HSPA12A: variants seen among roughly 807,000 people sequenced by gnomAD.
HSPA12A encodes the protein heat shock 70 kDa protein 12A.
A neutral mutation model predicts 69.2 loss-of-function variants in HSPA12A; 28 were observed. The ratio of observed to expected loss-of-function variants is 0.40; its 90% CI spans 0.30 to 0.55. The LOEUF is 0.55. Among genes scored for constraint, HSPA12A ranks in the 20% least tolerant of loss-of-function variants. HSPA12A has a pLI of 0.38. For synonymous variants in HSPA12A, 345 were observed against 370.5 expected (o/e 0.93, Z 0.79); for missense variants, 686 against 900.7 (o/e 0.76, Z 3.05).
At chr10:116,809,896 A>T (rs1316013381) in intron 2 of HSPA12A, among the ~76,000 whole-genome samples, 2 of 152,226 alleles carry the variant, frequency 1.3e-5, no homozygotes, top group African/African-American at 4.8e-5. Flanking sequence ...GAAAGAGGGC[A>T]GCTACCTAAA....
At chr10:116,813,568 T>TTC (rs1284440759) in intron 2 of HSPA12A, among the ~76,000 whole-genome samples, 1 of 151,808 alleles carries the variant, frequency 6.6e-6, no homozygotes, top group African/African-American at 2.4e-5. Flanking sequence ...TTTTTATACA[T>TTC]AATGTCTGGC....
chr10:116,783,107 C>T (rs1554891989), intron 2 of HSPA12A, among the ~76,000 whole-genome samples: 1 of 152,220 alleles, frequency 6.6e-6, no homozygotes, highest in Non-Finnish European at 1.5e-5. Context: ...TCACGTCCAG[C>T]GCACAGATGG....
At position 116,675,569 on chromosome 10, in the gene HSPA12A, AG is replaced by A; in HGVS notation, c.1391-152del. 1 of 783,776 alleles carries A rather than the reference AG, an allele frequency of 1.3e-6. No individual in the cohort carries two copies. The highest frequency in any genetic ancestry group is 2.0e-6 in the Non-Finnish European group (1 of 496,656). The allele number at this position is 783,776 out of a possible 1,614,324, so 48.6% of individuals were successfully genotyped here. On this transcript the variant is annotated intron_variant, in intron 11 of 11. Transcript: ENST00000369209. This position sits in a 1 kb window ranked among gnomAD's most constrained non-coding sequence, Gnocchi z 5.2. ...TGAGCTCCTTGAACAGAATCTTTGCAGAACTGGTCTTTTAAAGAAAGGGAGT... is the reference window on the plus strand; with the variant it reads ...TGAGCTCCTTGAACAGAATCTTTGCAAACTGGTCTTTTAAAGAAAGGGAGT...
intron 1 of HSPA12A, among the ~76,000 whole-genome samples, chr10:116,717,589 C>G (rs1850646008): frequency 6.6e-6 from 1 of 152,158 alleles, no homozygotes; most frequent in Non-Finnish European, 1.5e-5. Flanking sequence ...ATGCATGCCA[C>G]TGGGTGGGCA....
chr10:116,806,459 G>A (rs899569220), intron 2 of HSPA12A, among the ~76,000 whole-genome samples: 1 of 151,978 alleles, frequency 6.6e-6, no homozygotes, highest in African/African-American at 2.4e-5. Flanking sequence ...TACCCACCTC[G>A]GCCTCCCAAA....
chr10:116,749,128 C>T (rs740597), intron 2 of HSPA12A, among the ~76,000 whole-genome samples: 11,785 of 152,224 alleles, frequency 0.077, 651 homozygotes, highest in East Asian at 0.31. Context: ...CTCCACGGCA[C>T]TTTTATAAGA....
At chr10:116,701,233 G>T (rs1850069896) in intron 3 of HSPA12A, 104 bp from the exon 4 acceptor site, 1 of 1,060,316 alleles carries the variant, frequency 9.4e-7, no homozygotes, top group Non-Finnish European at 1.4e-6. Flanking sequence ...AGTAATGTGG[G>T]TGCCCAGAGG....
intron 2 of HSPA12A, among the ~76,000 whole-genome samples, chr10:116,800,860 C>G (rs575693992): frequency 5.3e-5 from 8 of 152,280 alleles, no homozygotes; most frequent in Admixed American, 1.3e-4. Flanking sequence ...AGCCTTGAAG[C>G]CTTGAAAAAT....
chr10:116,813,717 C>CAA lies in HSPA12A; in HGVS notation c.91+21216_91+21217dup, dbSNP rs34294587. ...AACATAGCAAGACCCTCCCTCTCTA[C>CAA]AAAAAAAAATGTTTTTAATAGCTGG... On this transcript the variant is annotated intron_variant, in intron 2 of 12. Coordinates refer to the HSPA12A transcript ENST00000635765. Among the ~76,000 whole-genome samples, 52 of 150,534 alleles carry CAA rather than the reference C, an allele frequency of 3.5e-4. No individual in the cohort carries two copies. The East Asian group carries it at 6.0e-3, about 17-fold the overall frequency.
intron 1 of HSPA12A, among the ~76,000 whole-genome samples, chr10:116,726,204 G>A (rs1230632644): frequency 3.3e-5 from 5 of 152,028 alleles, no homozygotes; most frequent in African/African-American, 1.2e-4. Context: ...ATTTACCAAA[G>A]GCCCAAGGAG....
intron 2 of HSPA12A, among the ~76,000 whole-genome samples, chr10:116,799,409 G>C (rs767278160): frequency 6.6e-6 from 1 of 152,200 alleles, no homozygotes; most frequent in African/African-American, 2.4e-5. Context: ...GGCAGGAGAC[G>C]TGGGTTCACA....
At chr10:116,698,535 C>A (rs1849982800) in intron 5 of HSPA12A, 100 bp downstream of exon 5, 1 of 831,712 alleles carries the variant, frequency 1.2e-6, no homozygotes, top group Admixed American at 1.9e-5. Context: ...CCAGGCTGTG[C>A]CTCCTACCCT....
intron 1 of HSPA12A, among the ~76,000 whole-genome samples, chr10:116,842,593 G>C (rs1292051868): frequency 6.6e-6 from 1 of 152,098 alleles, no homozygotes; most frequent in African/African-American, 2.4e-5. Context: ...AATGGCAAAA[G>C]AGTTTGCTTA....
chr10:116,734,435 G>A (rs1294568345), intron 1 of HSPA12A, among the ~76,000 whole-genome samples: 1 of 148,114 alleles, frequency 6.8e-6, no homozygotes, highest in Non-Finnish European at 1.5e-5. Context: ...GGGCAATAGA[G>A]CGAGACTCTG....
At chr10:116,833,628 G>A (rs558537862) in intron 2 of HSPA12A, among the ~76,000 whole-genome samples, 7 of 152,220 alleles carry the variant, frequency 4.6e-5, no homozygotes, top group Non-Finnish European at 1.0e-4. Context: ...TATTTATTGA[G>A]CACCTACGAT....
chr10:116,761,572 A>G (rs1436623578), intron 2 of HSPA12A, among the ~76,000 whole-genome samples: 1 of 960 alleles, frequency 1.0e-3, no homozygotes, highest in Non-Finnish European at 0.036. Context: ...AAAAAAAGTA[A>G]AAAAAATAAA....
rs1269412644 is a variant in HSPA12A at position 116,795,894 on chromosome 10, C to G, written c.91+39041G>C. On this transcript the variant is annotated intron_variant, in intron 2 of 12. Transcript: ENST00000635765. ...GGGCGCGGTGGCTCATGCCTGTAAT[C>G]CTAGCACTTTGGGAGGCCGAGGCGG... 2.0e-5 allele frequency among the ~76,000 whole-genome samples: 3 copies of G among 151,228 alleles called. No homozygotes were observed. In the East Asian group the frequency reaches 5.8e-4, roughly 29 times the overall value.
At chr10:116,705,390 G>A in intron 2 of HSPA12A, 112 bp from the exon 3 acceptor site, 1 of 1,252,000 alleles carries the variant, frequency 8.0e-7, no homozygotes, top group East Asian at 2.3e-5. Flanking sequence ...CAGACAGAAA[G>A]ACATTCTATA....
intron 2 of HSPA12A, chr10:116,750,556 C>A: frequency 2.7e-6 from 1 of 369,850 alleles, no homozygotes; most frequent in Non-Finnish European, 5.2e-6. Flanking sequence ...AAGATGCTTA[C>A]AAAAAACAGT....
Sources: gnomAD v4.1 joint callset for allele counts (sites outside exome capture counted in the v4.1 genomes callset) on GRCh38, gnomAD v4.1.1 for gene constraint, Gnocchi (gnomAD v3.1) non-coding constraint, MANE v1.5 for transcripts, NCBI Gene and HGNC (gene_info 2026-07-23, HGNC 2026-07-21) for gene names.